The following NEK10 variants were observed in gnomAD, a reference collection of about 807,000 sequenced individuals.
NEK10 encodes serine/threonine-protein kinase Nek10.
NEK10 carries 122 observed loss-of-function variants against 159.8 expected under a neutral mutation model. The ratio of observed to expected loss-of-function variants is 0.76; its 90% CI spans 0.66 to 0.89. NEK10 has a LOEUF of 0.89. NEK10 is among the 40% of genes least tolerant of loss of function. The pLI is 0.00. For missense variants in NEK10, 1,342 were observed against 1,323.1 expected (o/e 1.01, Z -0.22); for synonymous variants, 466 against 457.1 (o/e 1.02, Z -0.25).
chr3:27,244,523 C>A (rs1559352712), intron 23 of NEK10, among the ~76,000 whole-genome samples: 1 of 152,128 alleles, frequency 6.6e-6, no homozygotes, highest in Non-Finnish European at 1.5e-5. Context: ...AGGGACACTG[C>A]AGGAGGAAGA....
chr3:27,134,472 A>T (rs1019355819), intron 31 of NEK10, among the ~76,000 whole-genome samples: 1 of 152,224 alleles, frequency 6.6e-6, no homozygotes, highest in Non-Finnish European at 1.5e-5. Context: ...CAAACTTTTG[A>T]AAGTGTGGAA....
At position 27,110,803 on chromosome 3, in the gene NEK10, A is replaced by G. The variant is rs1159790936; in HGVS notation, c.*469T>C. The G allele has an allele frequency of 6.5e-6, 1 of 152,694 alleles. No homozygotes were observed. Among genetic ancestry groups the G allele is most frequent in the Non-Finnish European group, 1.5e-5 (1 of 68,148 alleles). The allele number at this position is 152,694 out of a possible 1,614,324, so 9.5% of individuals were successfully genotyped here. A position where few individuals can be genotyped will look rare whatever the true frequency, so the allele number is the denominator to read the frequency against. The stretch of plus-strand genomic sequence containing the variant: ...GAGGATACAGTGAATCACCCAATAT[A>G]TTATTCTGAGTCCTGTAACTGTCTT... On this transcript the variant is annotated 3_prime_UTR_variant, in exon 36 of 36. Coordinates refer to ENST00000691995, the MANE Select transcript of NEK10 (RefSeq NM_001394966.1).
At chr3:27,331,129 C>T (rs917026552) in intron 5 of NEK10, among the ~76,000 whole-genome samples, 3 of 150,666 alleles carry the variant, frequency 2.0e-5, no homozygotes, top group Non-Finnish European at 4.4e-5. Context: ...CCCAGCTACT[C>T]GGGAGGCCGA....
At chr3:27,326,528 T>A (rs1244501733) in intron 5 of NEK10, among the ~76,000 whole-genome samples, 1 of 152,162 alleles carries the variant, frequency 6.6e-6, no homozygotes. Context: ...CATATTAATA[T>A]AAATATAAAA....
At chr3:27,367,804 G>A (rs905509553) in intron 1 of NEK10, among the ~76,000 whole-genome samples, 18 of 152,098 alleles carry the variant, frequency 1.2e-4, no homozygotes, top group African/African-American at 4.3e-4. Context: ...GTGTGGGGGT[G>A]CAAAAAGGAA....
intron 23 of NEK10, among the ~76,000 whole-genome samples, chr3:27,248,509 C>T (rs1026968397): frequency 6.6e-6 from 1 of 152,110 alleles, no homozygotes; most frequent in African/African-American, 2.4e-5. Context: ...ACAAACTTCT[C>T]TCTTGGTACT....
At chr3:27,368,199 T>C (rs1559577187) in intron 1 of NEK10, among the ~76,000 whole-genome samples, 1 of 151,806 alleles carries the variant, frequency 6.6e-6, no homozygotes, top group South Asian at 2.1e-4. Context: ...GGCTGAGGCA[T>C]GAGAATTGGT....
intron 31 of NEK10, among the ~76,000 whole-genome samples, chr3:27,140,070 T>C (rs1318957739): frequency 6.6e-6 from 1 of 152,194 alleles, no homozygotes; most frequent in African/African-American, 2.4e-5. Flanking sequence ...GAGGTACTAT[T>C]ATTTAGAATG....
intron 25 of NEK10, among the ~76,000 whole-genome samples, chr3:27,199,449 A>G (rs1453823037): frequency 6.6e-6 from 1 of 152,218 alleles, no homozygotes; most frequent in Non-Finnish European, 1.5e-5. Flanking sequence ...TTAAAAAGTC[A>G]AAAAATAACA....
At chr3:27,226,055 G>T (rs770621027) in intron 23 of NEK10, among the ~76,000 whole-genome samples, 6 of 151,560 alleles carry the variant, frequency 4.0e-5, no homozygotes, top group African/African-American at 1.5e-4. Context: ...TTTTTGAGAC[G>T]GAGTCTCGCT....
intron 26 of NEK10, among the ~76,000 whole-genome samples, chr3:27,183,463 T>A (rs1008670154): frequency 1.3e-5 from 2 of 150,196 alleles, no homozygotes; most frequent in Non-Finnish European, 3.0e-5. Flanking sequence ...AAAGGGATCA[T>A]AGGTCTAAAA....
intron 16 of NEK10, among the ~76,000 whole-genome samples, chr3:27,292,295 C>T (rs549173610): frequency 8.5e-5 from 13 of 152,144 alleles, no homozygotes; most frequent in African/African-American, 3.1e-4. Context: ...TAGAAGGAAA[C>T]ATTTATTGGG....
intron 23 of NEK10, among the ~76,000 whole-genome samples, chr3:27,223,901 T>C (rs145279401): frequency 3.9e-5 from 6 of 152,328 alleles, no homozygotes; most frequent in African/African-American, 1.4e-4. Context: ...TCTCTGCAAA[T>C]TCTATCCATG....
Position 27,284,892 on chromosome 3 carries a change from T to C in NEK10, c.1859A>G (p.Lys620Arg). Residue 620 changes from lysine to arginine, a missense_variant, in exon 21 of 36, where the codon AAG becomes AGG. Coordinates refer to ENST00000691995, the MANE Select transcript of NEK10 (RefSeq NM_001394966.1). ...APLGEHFSSL[K>R]EKHHHFTEER... is the part of the protein sequence containing the mutation. Reference sequence around the variant, plus strand: ...TTCAGTAAAATGGTGATGTTTTTCCTTCAAAGAACTGAAATGCTCTCCAAG... The same window carrying C: ...TTCAGTAAAATGGTGATGTTTTTCCCTCAAAGAACTGAAATGCTCTCCAAG... 1 of 1,597,786 alleles carries C rather than the reference T, an allele frequency of 6.3e-7. No individual in the cohort carries two copies. The highest frequency in any genetic ancestry group is 1.7e-4 in the Middle Eastern group (1 of 6,028).
At chr3:27,246,772 A>G (rs1351750724) in intron 23 of NEK10, among the ~76,000 whole-genome samples, 2 of 151,914 alleles carry the variant, frequency 1.3e-5, no homozygotes, top group Admixed American at 1.3e-4. Flanking sequence ...AATTTTTAGC[A>G]CCACAAATTT....
chr3:27,167,502 A>G (rs750139335), intron 29 of NEK10, among the ~76,000 whole-genome samples: 8 of 152,332 alleles, frequency 5.3e-5, no homozygotes, highest in Admixed American at 2.0e-4. Flanking sequence ...CTGAAGCCCC[A>G]GTGAGCATTA....
At chr3:27,204,783 T>C (rs1950382919) in intron 23 of NEK10, among the ~76,000 whole-genome samples, 1 of 143,728 alleles carries the variant, frequency 7.0e-6, no homozygotes, top group South Asian at 2.4e-4. Context: ...TGTGCATGTG[T>C]CTTTATAGCA....
chr3:27,329,995 A>T (rs1018043600), intron 5 of NEK10, among the ~76,000 whole-genome samples: 1 of 152,188 alleles, frequency 6.6e-6, no homozygotes, highest in East Asian at 1.9e-4. Context: ...ACTATAAATC[A>T]TCTTAGATTA....
intron 1 of NEK10, among the ~76,000 whole-genome samples, chr3:27,361,831 C>A (rs1265606917): frequency 6.6e-6 from 1 of 151,992 alleles, no homozygotes; most frequent in East Asian, 1.9e-4. Context: ...CATCTAATAA[C>A]ATTTTATTTC....
Sources: gnomAD v4.1 joint callset for allele counts (sites outside exome capture counted in the v4.1 genomes callset) on GRCh38, gnomAD v4.1.1 for gene constraint, MANE v1.5 for transcripts, NCBI Gene and HGNC (gene_info 2026-07-23, HGNC 2026-07-21) for gene names.